CDAN1: variants seen among roughly 807,000 people sequenced by gnomAD.
The protein encoded by CDAN1 is codanin-1.
CDAN1 carries 107 observed loss-of-function variants against 139.8 expected under a neutral mutation model. The ratio of observed to expected loss-of-function variants is 0.77; its 90% CI spans 0.65 to 0.90. CDAN1 has a LOEUF of 0.90. Ranked by LOEUF, CDAN1 falls within the 40% of genes least tolerant of loss-of-function variation. The probability of loss-of-function intolerance (pLI) is 0.00; values close to 1 mark genes in which losing one functional copy is unlikely to be tolerated. For synonymous variants in CDAN1, 776 were observed against 660.6 expected (o/e 1.17, Z -2.68); for missense variants, 1,667 against 1,575.7 (o/e 1.06, Z -0.98).
rs766416516 is a variant in CDAN1 at position 42,736,390 on chromosome 15, G to A, written c.481C>T (p.Arg161Cys). ...RRLRGSGSPSRPSLTLSDPPN... is the reference protein window; with the variant it reads ...RRLRGSGSPSCPSLTLSDPPN... ...GGATCAGACAGCGTGAGGCTGGGGC[G>A]GCTGGGGCTGCCAGAGCCCCTAAGC... Residue 161 changes from arginine (R) to cysteine (C), a missense_variant, in exon 2 of 28, where the codon CGC becomes TGC. Coordinates refer to ENST00000356231, the MANE Select transcript of CDAN1 (RefSeq NM_138477.4). 8.8e-5 allele frequency: 142 copies of A among 1,612,678 alleles called. No homozygotes were observed. The highest frequency in any genetic ancestry group is 5.2e-4 in the South Asian group (47 of 91,050).
chr15:42,730,648 G>C lies in CDAN1; in HGVS notation c.2124C>G (p.Pro708=), dbSNP rs751944514. 1 of 1,614,196 alleles carries C rather than the reference G, an allele frequency of 6.2e-7. No homozygotes were observed. The highest frequency in any genetic ancestry group is 8.5e-7 in the Non-Finnish European group (1 of 1,180,040). ...EFLSFADHVV[P]LLEYYRDIFT... Reference sequence around the variant, plus strand: ...AGATGTCCCGGTAATATTCCAGCAAGGGAACAACATGGTCAGCAAAGGAGA... The same window carrying C: ...AGATGTCCCGGTAATATTCCAGCAACGGAACAACATGGTCAGCAAAGGAGA... Residue 708 remains proline (P), a synonymous_variant, in exon 14 of 28, where the codon CCC becomes CCG. Transcript: ENST00000356231.
chr15:42,734,016 GC>G lies in CDAN1; in HGVS notation c.1288del (p.Ala430LeufsTer59). ...GTCAGTCTCTGGCTGAAAGGAGACAGCTTGAGTAGAGGGAGGCATCACCAGA... is the reference window on the plus strand; with the variant it reads ...GTCAGTCTCTGGCTGAAAGGAGACAGTTGAGTAGAGGGAGGCATCACCAGA... ...VSLVMPPSTQ[A>X]VSFQPETDNR... is the part of the protein sequence containing the mutation. On this transcript the variant is annotated frameshift_variant, in exon 8 of 28. Coordinates refer to ENST00000356231, the MANE Select transcript of CDAN1 (RefSeq NM_138477.4). LOFTEE classifies it high-confidence loss of function. 1 of 1,614,094 alleles carries G rather than the reference GC, an allele frequency of 6.2e-7. No homozygotes were observed. Among genetic ancestry groups the G allele is most frequent in the South Asian group, 1.1e-5 (1 of 91,086 alleles).
At chr15:42,734,862 T>C (rs2061666674) in intron 6 of CDAN1, among the ~76,000 whole-genome samples, 2 of 150,626 alleles carry the variant, frequency 1.3e-5, no homozygotes. Flanking sequence ...TAAGTCACTG[T>C]CCTGCCTCGG....
In CDAN1 at chr15:42,730,982, C is replaced by T. The variant is rs773154901; in HGVS notation, c.1950G>A (p.Gly650=). 1.9e-6 allele frequency: 3 copies of T among 1,614,128 alleles called. No homozygotes were observed. Among genetic ancestry groups the T allele is most frequent in the Middle Eastern group, 1.6e-4 (1 of 6,062 alleles). The part of the protein sequence containing the change: ...LGFVAFLPYR[G]PEPPPTGELQ... ...GCTCACCGGTCGGGGGAGGTTCAGG[C>T]CCCCGGTATGGCAGGAAAGCCACAA... Residue 650 remains glycine, a synonymous_variant, in exon 13 of 28, where the codon GGG becomes GGA. Transcript: ENST00000356231.
At chr15:42,728,336 A>G in intron 20 of CDAN1, 69 bp from the exon 21 acceptor site, 1 of 1,525,440 alleles carries the variant, frequency 6.6e-7, no homozygotes, top group Non-Finnish European at 9.1e-7. Context: ...AAATGCCCCG[A>G]GTGCACCAAG....
chr15:42,735,188 C>CA lies in CDAN1; in HGVS notation c.1058-11dup. 6.2e-7 allele frequency: 1 copy of CA among 1,611,638 alleles called. No individual in the cohort carries two copies. Among genetic ancestry groups the CA allele is most frequent in the Non-Finnish European group, 8.5e-7 (1 of 1,177,852 alleles). On this transcript the variant is annotated splice_polypyrimidine_tract_variant and intron_variant, in intron 5 of 27. Coordinates refer to ENST00000356231, the MANE Select transcript of CDAN1 (RefSeq NM_138477.4). Reference sequence around the variant, plus strand: ...GGACTTTCCAGGGAATCTAGAAGGACAGTACCAAGCTGTCAGTTAAGAACG... The same window carrying CA: ...GGACTTTCCAGGGAATCTAGAAGGACAAGTACCAAGCTGTCAGTTAAGAACG...
In CDAN1 at chr15:42,734,221, A is replaced by G. The variant is rs1445080940; in HGVS notation, c.1257+5T>C. The G allele has an allele frequency of 2.5e-6, 4 of 1,614,000 alleles. No individual in the cohort carries two copies. Among genetic ancestry groups the G allele is most frequent in the Admixed American group, 3.3e-5 (2 of 60,008 alleles). ...GCTAGTGGGCAACTAAGCTGGGGTT[A>G]CTACCTTGGCAACACTGCCCTCATA... On this transcript the variant is annotated splice_donor_5th_base_variant and intron_variant, in intron 7 of 27. Transcript: ENST00000356231.
At chr15:42,732,849 T>C (rs1267953632) in intron 9 of CDAN1, among the ~76,000 whole-genome samples, 1 of 152,208 alleles carries the variant, frequency 6.6e-6, no homozygotes, top group Non-Finnish European at 1.5e-5. Context: ...TTAAGAGCTT[T>C]GGACTTTCTA....
At chr15:42,730,027 C>G in intron 15 of CDAN1, 101 bp downstream of exon 15, 1 of 1,322,506 alleles carries the variant, frequency 7.6e-7, no homozygotes, top group Non-Finnish European at 1.1e-6. Flanking sequence ...TTTCCTGAAC[C>G]TTCGTCTTCC....
chr15:42,730,548 TGTCCCGA>T (rs1555415235), intron 14 of CDAN1, 43 bp downstream of exon 14: 11 of 1,601,154 alleles, frequency 6.9e-6, no homozygotes, highest in Non-Finnish European at 9.4e-6. Context: ...GCTTGACCAA[TGTCCCGA>T]GTCCCGAATC....
In CDAN1 at chr15:42,729,242, C is replaced by G. The variant is rs991858795; in HGVS notation, c.2528G>C (p.Ser843Thr). 2 of 1,609,666 alleles carry G rather than the reference C, an allele frequency of 1.2e-6. No homozygotes were observed. The highest frequency in any genetic ancestry group is 1.7e-6 in the Non-Finnish European group (2 of 1,177,806). The change falls in exon 18 of 28, where the codon AGC becomes ACC. Residue 843 changes from serine (S) to threonine (T), a missense_variant. By Grantham distance (58) the Ser-to-Thr change is moderately conservative (BLOSUM62 1). Transcript: ENST00000356231. Reference protein sequence around the residue: ...TSLGAQPSQTSQGLQAQLAQA... With the variant: ...TSLGAQPSQTTQGLQAQLAQA... Reference sequence around the variant, plus strand: ...CCCTGCCCTTACCTGCAGCCCCTGGCTGGTCTGGGAAGGCTGGGCTCCCAG... The same window carrying G: ...CCCTGCCCTTACCTGCAGCCCCTGGGTGGTCTGGGAAGGCTGGGCTCCCAG...
Position 42,729,094 on chromosome 15 carries a change from C to G in CDAN1, c.2574G>C (p.Gln858His). Residue 858 changes from glutamine to histidine, a missense_variant, in exon 19 of 28, where the codon CAG becomes CAC. Around this residue, in one of 3 missense-constraint regions of CDAN1, gnomAD observed 936 missense variants for 844.1 expected, o/e 1.11. Transcript: ENST00000356231. ...CTACGGTCCGGCGCAAGGAGGGCGG[C>G]TGGTTGTGGAAAAAGGCCTGGGCGA... ...AQLAQAFFHN[Q>H]PPSLRRTVEF... The G allele has an allele frequency of 1.2e-6, 2 of 1,614,226 alleles. No homozygotes were observed. The highest frequency in any genetic ancestry group is 1.7e-6 in the Non-Finnish European group (2 of 1,180,046).
Position 42,729,235 on chromosome 15 carries a change from C to T in CDAN1, c.2535G>A (p.Gly845=), listed in dbSNP as rs1348358726. ...LGAQPSQTSQ[G]LQAQLAQAFF... ...GTCTCCGCCCTGCCCTTACCTGCAG[C>T]CCCTGGCTGGTCTGGGAAGGCTGGG... The change falls in exon 18 of 28, where the codon GGG becomes GGA. Residue 845 remains glycine (G), a synonymous_variant. Transcript: ENST00000356231. 2 of 1,613,798 alleles carry T rather than the reference C, an allele frequency of 1.2e-6. No individual in the cohort carries two copies. Among genetic ancestry groups the T allele is most frequent in the African/African-American group, 2.7e-5 (2 of 74,838 alleles).
Position 42,729,259 on chromosome 15 carries a change from G to A in CDAN1, c.2511C>T (p.Ala837=), listed in dbSNP as rs762560250. The change falls in exon 18 of 28, where the codon GCC becomes GCT. Residue 837 remains alanine (A), a synonymous_variant. Coordinates refer to ENST00000356231, the MANE Select transcript of CDAN1 (RefSeq NM_138477.4). ...GCCCCTGGCTGGTCTGGGAAGGCTGGGCTCCCAGGCTGGTGGTAGTGGTGG... is the reference window on the plus strand; with the variant it reads ...GCCCCTGGCTGGTCTGGGAAGGCTGAGCTCCCAGGCTGGTGGTAGTGGTGG... ...ITPTTTTSLG[A]QPSQTSQGLQ... is the part of the protein sequence containing the mutation. 5 of 1,613,848 alleles carry A rather than the reference G, an allele frequency of 3.1e-6. No homozygotes were observed. The African/African-American group carries it at 6.7e-5, about 22-fold the overall frequency.
At chr15:42,726,651 G>A (rs1411523963) in intron 23 of CDAN1, 2 of 580,458 alleles carry the variant, frequency 3.4e-6, no homozygotes, top group Admixed American at 6.0e-5. Context: ...AGGGACAGTA[G>A]GCTGCCATAG....
intron 20 of CDAN1, 75 bp from the exon 21 acceptor site, chr15:42,728,342 C>T (rs2061560759): frequency 1.3e-6 from 2 of 1,501,666 alleles, no homozygotes; most frequent in East Asian, 2.3e-5. Flanking sequence ...CCCGAGTGCA[C>T]CAAGCCCCTG....
rs771314265 is a variant in CDAN1, at chr15:42,727,655, G to A, written c.3062C>T (p.Ala1021Val). ...RGCSRACEHHAPLPSHLISEI... is the reference protein window; with the variant it reads ...RGCSRACEHHVPLPSHLISEI... The stretch of plus-strand genomic sequence containing the variant: ...GGAGATGAGGTGGGAGGGGAGGGGA[G>A]CATGGTGCTCACAGGCGCGGGAGCA... Residue 1021 changes from alanine (A) to valine (V), a missense_variant, in exon 23 of 28, where the codon GCT becomes GTT. Physicochemically the swap from Ala to Val is moderately conservative, Grantham distance 64. Around this residue, in one of 3 missense-constraint regions of CDAN1, gnomAD observed 936 missense variants for 844.1 expected, o/e 1.11. Coordinates refer to ENST00000356231, the MANE Select transcript of CDAN1 (RefSeq NM_138477.4). 9 of 1,587,188 alleles carry A rather than the reference G, an allele frequency of 5.7e-6. No homozygotes were observed. Among genetic ancestry groups the A allele is most frequent in the Non-Finnish European group, 7.7e-6 (9 of 1,163,794 alleles).
chr15:42,736,608 C>A lies in CDAN1; in HGVS notation c.263G>T (p.Gly88Val). The A allele has an allele frequency of 6.6e-7, 1 of 1,504,480 alleles. No homozygotes were observed. The highest frequency in any genetic ancestry group is 2.8e-5 in the East Asian group (1 of 35,956). The allele number at this position is 1,504,480 out of a possible 1,614,324, so 93.2% of individuals were successfully genotyped here. ...ASAALPGRPG[G>V]PPRGSRGARS... ...CGCCCCGCGGCTACCCCGCGGCGGGCCTCCCGGCCTCCCTGGCAAGGCTGC... is the reference window on the plus strand; with the variant it reads ...CGCCCCGCGGCTACCCCGCGGCGGGACTCCCGGCCTCCCTGGCAAGGCTGC... Residue 88 changes from glycine to valine, a missense_variant, in exon 2 of 28, where the codon GGC (glycine) becomes GTC (valine). Gly to Val is a moderately radical substitution (Grantham distance 109). This residue lies in a region of CDAN1 where 487 missense variants were observed against 422.2 expected (regional missense o/e 1.15). Transcript: ENST00000356231.
chr15:42,729,911 C>A, intron 15 of CDAN1, 26 bp from the exon 16 acceptor site: 1 of 1,593,820 alleles, frequency 6.3e-7, no homozygotes, highest in South Asian at 1.1e-5. Flanking sequence ...CAATTCAGGT[C>A]AACTTCAGAG....
Sources: gnomAD v4.1 joint callset for allele counts (sites outside exome capture counted in the v4.1 genomes callset) on GRCh38, gnomAD v4.1.1 for gene constraint, gnomAD v4.1.1 regional missense constraint, MANE v1.5 for transcripts, NCBI Gene and HGNC (gene_info 2026-07-23, HGNC 2026-07-21) for gene names.